The following VEZT variants were observed in gnomAD, a reference collection of about 807,000 sequenced individuals.
The protein encoded by VEZT is vezatin, adherens junctions transmembrane protein, also known as vezatin.
A neutral mutation model predicts 79.9 loss-of-function variants in VEZT; 39 were observed. The ratio of observed to expected loss-of-function variants is 0.49; its 90% CI spans 0.38 to 0.64. The LOEUF is 0.64. Among genes scored for constraint, VEZT ranks in the 30% least tolerant of loss-of-function variants. The pLI, the probability that VEZT is intolerant of heterozygous loss-of-function variation, is 0.00. For missense variants in VEZT, 837 were observed against 893.1 expected (o/e 0.94, Z 0.80); for synonymous variants, 325 against 327.6 (o/e 0.99, Z 0.09).
chr12:95,264,467 G>A (rs900444276), intron 4 of VEZT, among the ~76,000 whole-genome samples: 4 of 152,034 alleles, frequency 2.6e-5, no homozygotes, highest in African/African-American at 9.7e-5. Flanking sequence ...TTGAGACAGG[G>A]TCTCTGTTGC....
At chr12:95,239,602 T>A (rs4762152) in intron 1 of VEZT, among the ~76,000 whole-genome samples, 17,021 of 151,586 alleles carry the variant, frequency 0.11, 1,048 homozygotes, top group East Asian at 0.25. Flanking sequence ...AAGGAGAGAG[T>A]CTCAAGGGTG....
chr12:95,277,774 A>G (rs1380098278), intron 7 of VEZT, among the ~76,000 whole-genome samples: 3 of 152,236 alleles, frequency 2.0e-5, no homozygotes, highest in African/African-American at 7.2e-5. Context: ...ATGAGAAGAC[A>G]TATTAAATAC....
intron 1 of VEZT, among the ~76,000 whole-genome samples, chr12:95,236,171 G>C (rs947727671): frequency 6.6e-6 from 1 of 152,194 alleles, no homozygotes; most frequent in African/African-American, 2.4e-5. Context: ...CTGCAATCAC[G>C]GCACCTTGGG....
At chr12:95,246,343 G>T (rs191567516) in intron 1 of VEZT, among the ~76,000 whole-genome samples, 1 of 152,062 alleles carries the variant, frequency 6.6e-6, no homozygotes, top group African/African-American at 2.4e-5. Context: ...AACTGGTCTC[G>T]AACTCCTGAC....
intron 1 of VEZT, among the ~76,000 whole-genome samples, chr12:95,225,016 G>A (rs2058215681): frequency 6.6e-6 from 1 of 152,112 alleles, no homozygotes; most frequent in South Asian, 2.1e-4. Flanking sequence ...TGATAGTAAC[G>A]CTTGCTCACC....
chr12:95,219,178 A>C (rs1347852872), intron 1 of VEZT, among the ~76,000 whole-genome samples: 1 of 152,208 alleles, frequency 6.6e-6, no homozygotes, highest in Non-Finnish European at 1.5e-5. Flanking sequence ...GCTGAAGGAG[A>C]GAGAAATATT....
chr12:95,271,125 G>C (rs913057864), intron 6 of VEZT, among the ~76,000 whole-genome samples: 4 of 152,158 alleles, frequency 2.6e-5, no homozygotes, highest in Non-Finnish European at 5.9e-5. Flanking sequence ...ACTAATGGAT[G>C]AAGTTGTGTC....
At chr12:95,272,189 A>C (rs529201268) in intron 6 of VEZT, among the ~76,000 whole-genome samples, 1 of 152,032 alleles carries the variant, frequency 6.6e-6, no homozygotes, top group African/African-American at 2.4e-5. Context: ...AAATAAAATA[A>C]TAAATGGACA....
chr12:95,282,225 C>A (rs2069341054), intron 7 of VEZT, 88 bp from the exon 8 acceptor site: 8 of 1,244,626 alleles, frequency 6.4e-6, no homozygotes, highest in Non-Finnish European at 7.6e-6. Context: ...AAATTTAAAC[C>A]AGAAGTTAAG....
rs1233706895 is a variant in VEZT, at chr12:95,252,191, C to T, written c.168+120C>T. 5.6e-6 allele frequency: 6 copies of T among 1,074,896 alleles called. No individual in the cohort carries two copies. The East Asian group carries it at 1.7e-4, about 30-fold the overall frequency. The allele number at this position is 1,074,896 out of a possible 1,614,324, so 66.6% of individuals were successfully genotyped here. ...ACACTGGTAAGACTATTTATTTCATCAATAGTACAAAACTTTCTGTTAGAT... is the reference window on the plus strand; with the variant it reads ...ACACTGGTAAGACTATTTATTTCATTAATAGTACAAAACTTTCTGTTAGAT... On this transcript the variant is annotated intron_variant, in intron 2 of 11. Transcript: ENST00000436874.
intron 8 of VEZT, among the ~76,000 whole-genome samples, chr12:95,283,262 G>C (rs987840110): frequency 6.6e-6 from 1 of 152,084 alleles, no homozygotes; most frequent in African/African-American, 2.4e-5. Flanking sequence ...TTTATCAGCT[G>C]AAAATACTAT....
chr12:95,233,629 T>A lies in VEZT; in HGVS notation c.36+15743T>A, dbSNP rs544689869. ...GTTGGCCAGGCTGGTCTCAAACTCC[T>A]GGCCTCAAGTGATCCCCCCACCTCG... is the stretch of plus-strand genomic sequence containing the variant. On this transcript the variant is annotated intron_variant, in intron 1 of 11. Transcript: ENST00000436874. Among the ~76,000 whole-genome samples, 4 of 152,280 alleles carry A rather than the reference T, an allele frequency of 2.6e-5. No homozygotes were observed. The East Asian group carries it at 7.7e-4, about 29-fold the overall frequency.
intron 4 of VEZT, among the ~76,000 whole-genome samples, chr12:95,264,959 T>G (rs1376995598): frequency 6.8e-6 from 1 of 147,058 alleles, no homozygotes; most frequent in Admixed American, 7.0e-5. Flanking sequence ...TGCAGCCTGC[T>G]CAAGTGATCC....
Position 95,287,674 on chromosome 12 carries a change from C to G in VEZT, c.1339C>G (p.Leu447Val). Residue 447 changes from leucine to valine, a missense_variant, in exon 9 of 12, where the codon CTT becomes GTT. Transcript: ENST00000436874. ...LKALLNEVII[L>V]EDELEKLVCT... ...TTCTTTATGACTCAGGGTAATAATT[C>G]TTGAAGATGAACTTGAAAAGCTTGT... 2 of 1,558,210 alleles carry G rather than the reference C, an allele frequency of 1.3e-6. No individual in the cohort carries two copies. The highest frequency in any genetic ancestry group is 1.7e-6 in the Non-Finnish European group (2 of 1,150,420).
At chr12:95,262,341 T>A (rs1314481509) in intron 3 of VEZT, 1 of 152,244 alleles carries the variant, frequency 6.6e-6, no homozygotes, top group Non-Finnish European at 1.5e-5. Context: ...AGATATTCCT[T>A]GATAGATGAA....
At chr12:95,228,127 G>A (rs2058748560) in intron 1 of VEZT, among the ~76,000 whole-genome samples, 1 of 152,066 alleles carries the variant, frequency 6.6e-6, no homozygotes, top group South Asian at 2.1e-4. Context: ...TTCTGTGTAA[G>A]TTATTAAATG....
intron 9 of VEZT, chr12:95,293,685 A>G (rs1445986790): frequency 6.5e-6 from 1 of 152,674 alleles, no homozygotes; most frequent in East Asian, 1.9e-4. Context: ...TTCAACAAGT[A>G]CTTACAGAGT....
intron 2 of VEZT, among the ~76,000 whole-genome samples, chr12:95,256,352 G>A (rs2063490879): frequency 6.6e-6 from 1 of 151,980 alleles, no homozygotes. Flanking sequence ...TGCCCAACTC[G>A]TTCTTCCCTT....
chr12:95,240,032 G>A (rs1445707374), intron 1 of VEZT, among the ~76,000 whole-genome samples: 1 of 87,900 alleles, frequency 1.1e-5, no homozygotes, highest in African/African-American at 4.2e-5. Context: ...AAGGAAGGAA[G>A]GAAGGAAGGA....
Sources: allele counts gnomAD v4.1 joint callset (sites outside exome capture counted in the v4.1 genomes callset), GRCh38; gene constraint gnomAD v4.1.1; transcripts MANE v1.5; gene names NCBI Gene and HGNC (gene_info 2026-07-23, HGNC 2026-07-21).